Variants in DCC observed in about 807,000 individuals in gnomAD.
DCC encodes DCC netrin 1 receptor.
In DCC, 58 loss-of-function variants were observed where a neutral mutation model predicts 172.5. The ratio of observed to expected loss-of-function variants is 0.34; its 90% CI spans 0.27 to 0.42. The LOEUF (loss-of-function observed/expected upper bound fraction) is 0.42. Among genes scored for constraint, DCC ranks in the 10% least tolerant of loss-of-function variants. The pLI is 1.00. For missense variants in DCC, 1,740 were observed against 1,791.0 expected (o/e 0.97, Z 0.51); for synonymous variants, 709 against 644.5 (o/e 1.10, Z -1.52).
intron 7 of DCC, among the ~76,000 whole-genome samples, chr18:53,110,361 C>G (rs1272693679): frequency 6.6e-6 from 1 of 151,616 alleles, no homozygotes; most frequent in Non-Finnish European, 1.5e-5. Flanking sequence ...TGTTCCATAT[C>G]ATAGAAGTAG....
At chr18:52,761,976 G>A (rs190464818) in intron 2 of DCC, among the ~76,000 whole-genome samples, 248 of 150,390 alleles carry the variant, frequency 1.6e-3, no homozygotes, top group Non-Finnish European at 2.9e-3. Context: ...CATCTGAGGA[G>A]CAGCTTTTAG....
intron 12 of DCC, among the ~76,000 whole-genome samples, chr18:53,266,611 T>G (rs1331815798): frequency 1.3e-5 from 2 of 152,122 alleles, no homozygotes; most frequent in Non-Finnish European, 2.9e-5. Flanking sequence ...TGGCTTTTAG[T>G]ATACTCATAG....
intron 26 of DCC, among the ~76,000 whole-genome samples, chr18:53,494,439 G>A (rs1245099792): frequency 2.6e-5 from 4 of 152,112 alleles, no homozygotes; most frequent in African/African-American, 9.7e-5. Context: ...TTATTGTGTG[G>A]GAGTCTAAAT....
chr18:52,951,256 A>G (rs1329270583), intron 5 of DCC, among the ~76,000 whole-genome samples: 1 of 152,162 alleles, frequency 6.6e-6, no homozygotes, highest in Non-Finnish European at 1.5e-5. Context: ...TCCATAGGGC[A>G]TATGTACTTT....
At chr18:52,415,807 A>G (rs1176771844) in intron 1 of DCC, among the ~76,000 whole-genome samples, 2 of 151,830 alleles carry the variant, frequency 1.3e-5, no homozygotes, top group South Asian at 2.1e-4. Context: ...AATTTTGTTG[A>G]TCCTTTCAAA....
chr18:52,348,667 C>T (rs1233655601), intron 1 of DCC, among the ~76,000 whole-genome samples: 2 of 152,156 alleles, frequency 1.3e-5, no homozygotes, highest in Non-Finnish European at 2.9e-5. Flanking sequence ...GGTAGTTATT[C>T]TGTTTCTTCT....
chr18:53,064,396 A>G (rs1852183882), intron 6 of DCC, among the ~76,000 whole-genome samples: 1 of 152,160 alleles, frequency 6.6e-6, no homozygotes, highest in Non-Finnish European at 1.5e-5. Flanking sequence ...AGAGGGTTTT[A>G]GGCCTACTTA....
At chr18:52,929,305 T>G (rs1225562933) in intron 5 of DCC, among the ~76,000 whole-genome samples, 5 of 152,140 alleles carry the variant, frequency 3.3e-5, no homozygotes, top group African/African-American at 7.2e-5. Context: ...TGCTTTACTG[T>G]CTGCCCTGTC....
At chr18:53,449,274 G>T (rs2045376089) in intron 22 of DCC, among the ~76,000 whole-genome samples, 1 of 152,110 alleles carries the variant, frequency 6.6e-6, no homozygotes, top group Non-Finnish European at 1.5e-5. Context: ...AAACATGACT[G>T]ACATAGAACA....
chr18:53,010,502 C>T (rs947141946), intron 5 of DCC, among the ~76,000 whole-genome samples: 11 of 151,354 alleles, frequency 7.3e-5, no homozygotes, highest in Non-Finnish European at 1.6e-4. Flanking sequence ...ATGTTAACAA[C>T]GTTCAAAGTA....
intron 5 of DCC, among the ~76,000 whole-genome samples, chr18:53,047,816 C>G (rs1391226666): frequency 6.6e-6 from 1 of 151,424 alleles, no homozygotes; most frequent in African/African-American, 2.4e-5. Flanking sequence ...CCTTATTTTT[C>G]TCTTGTGAAA....
intron 1 of DCC, among the ~76,000 whole-genome samples, chr18:52,617,620 CT>C (rs1289923843): frequency 6.6e-6 from 1 of 152,024 alleles, no homozygotes; most frequent in African/African-American, 2.4e-5. Flanking sequence ...ATATGTTTCT[CT>C]TCTCCTAACC....
intron 13 of DCC, among the ~76,000 whole-genome samples, chr18:53,309,720 A>G (rs2057241926): frequency 6.6e-6 from 1 of 152,058 alleles, no homozygotes; most frequent in Non-Finnish European, 1.5e-5. Flanking sequence ...AGATGAATTA[A>G]TTAGTTATTA....
intron 1 of DCC, among the ~76,000 whole-genome samples, chr18:52,593,443 G>A (rs2033844202): frequency 6.6e-6 from 1 of 152,084 alleles, no homozygotes; most frequent in African/African-American, 2.4e-5. Flanking sequence ...CTTTTAAAAT[G>A]GAAATGGGAA....
At chr18:52,490,986 A>G (rs1175766231) in intron 1 of DCC, among the ~76,000 whole-genome samples, 1 of 152,134 alleles carries the variant, frequency 6.6e-6, no homozygotes, top group Non-Finnish European at 1.5e-5. Context: ...ATTAGCATTA[A>G]TTAGAAGTAA....
At chr18:53,251,668 TGTGA>T (rs1452167759) in intron 12 of DCC, among the ~76,000 whole-genome samples, 4 of 151,924 alleles carry the variant, frequency 2.6e-5, no homozygotes, top group East Asian at 1.9e-4. Flanking sequence ...AAATTGCGTG[TGTGA>T]GTGTGTGTGT....
chr18:52,732,965 T>G (rs2036667875), intron 1 of DCC, among the ~76,000 whole-genome samples: 1 of 152,156 alleles, frequency 6.6e-6, no homozygotes, highest in Admixed American at 6.6e-5. Context: ...GTATTTTGTA[T>G]GAGTTAATAA....
rs551611692 is a variant in DCC at position 53,046,978 on chromosome 18, C to T, written c.986-16327C>T. ...CTTCCTGTGTTTGTTCTCCTTTCAC[C>T]GAATTTGAGGTAGAAAACATTCTGT... On this transcript the variant is annotated intron_variant, in intron 5 of 28. Coordinates refer to ENST00000442544, the MANE Select transcript of DCC (RefSeq NM_005215.4). Among the ~76,000 whole-genome samples the T allele has an allele frequency of 9.7e-4, 147 of 151,340 alleles. 3 individuals are homozygous for T. The South Asian group carries it at 0.03, about 31-fold the overall frequency.
intron 2 of DCC, among the ~76,000 whole-genome samples, chr18:52,847,976 T>A (rs1305492010): frequency 6.6e-6 from 1 of 152,194 alleles, no homozygotes; most frequent in Non-Finnish European, 1.5e-5. Context: ...GCCTATTGAT[T>A]ATTTAAGTCT....
Sources: gnomAD v4.1 joint callset for allele counts (sites outside exome capture counted in the v4.1 genomes callset) on GRCh38, gnomAD v4.1.1 for gene constraint, MANE v1.5 for transcripts, NCBI Gene and HGNC (gene_info 2026-07-23, HGNC 2026-07-21) for gene names.